Variants in GPHN observed in about 807,000 individuals in gnomAD.
GPHN encodes the protein gephyrin.
Under a neutral mutation model 95.5 loss-of-function variants are expected in GPHN, and 17 were observed. That is an observed-to-expected ratio of 0.18 (90% CI 0.12 to 0.27). GPHN has a LOEUF of 0.27. Ranked by LOEUF, GPHN falls within the 10% of genes least tolerant of loss-of-function variation. GPHN has a pLI of 1.00. For synonymous variants in GPHN, 320 were observed against 322.5 expected, an observed-to-expected ratio of 0.99 and a Z score of 0.08; for missense variants, 660 against 978.1, an observed-to-expected ratio of 0.67 and a Z score of 4.34.
At chr14:67,706,077 CAGCATCA>C in the GPHN span, 1 of 152,036 alleles carries the variant, frequency 6.6e-6, no homozygotes, top group Non-Finnish European at 1.5e-5. Context: ...ACATTAAGTT[CAGCATCA>C]ATATAGTGAC....
At chr14:67,470,217 C>T in the GPHN span, 2 of 152,234 alleles carry the variant, frequency 1.3e-5, no homozygotes, top group African/African-American at 4.8e-5. Context: ...CTCCAGGAGC[C>T]CCTGAGAAAG....
chr14:66,842,596 A>G, intron 4 of GPHN: 2 of 924,300 alleles, frequency 2.2e-6, no homozygotes, highest in Non-Finnish European at 3.4e-6. Context: ...TCCCTGAACC[A>G]GTTTGTACAG....
chr14:67,156,596 G>A (rs1301734505), intron 18 of GPHN, among the ~76,000 whole-genome samples: 1 of 152,108 alleles, frequency 6.6e-6, no homozygotes, highest in African/African-American at 2.4e-5. Context: ...TGAATCCTAA[G>A]GGAGGTATAG....
At chr14:66,747,652 A>G (rs1484601955) in intron 2 of GPHN, among the ~76,000 whole-genome samples, 1 of 151,830 alleles carries the variant, frequency 6.6e-6, no homozygotes, top group African/African-American at 2.4e-5. Context: ...AATGTTAAAA[A>G]TTGTTTTATT....
the GPHN span, among the ~76,000 whole-genome samples, chr14:67,643,820 T>C: frequency 1.4e-3 from 185 of 129,708 alleles, no homozygotes; most frequent in Non-Finnish European, 2.4e-3. Flanking sequence ...CTTTGTTACA[T>C]CTGGAGAAGC....
In GPHN at chr14:66,924,276, A is replaced by G; in HGVS notation, c.812A>G (p.His271Arg). Residue 271 changes from histidine to arginine, a missense_variant, in exon 8 of 23, where the codon CAT (histidine) becomes CGT (arginine). By Grantham distance (29) the His-to-Arg change is conservative (BLOSUM62 0). Around this residue, in one of 6 missense-constraint regions of GPHN, gnomAD observed 190 missense variants for 224.7 expected, o/e 0.85. Coordinates refer to ENST00000478722, the MANE Select transcript of GPHN (RefSeq NM_020806.5). ...PIPGLINYSH[H>R]STDERIPDSI... ...CCTGGTCTCATCAATTATTCCCATC[A>G]TTCAACAGATGAACGGGTAAGACAA... 1 of 1,598,140 alleles carries G rather than the reference A, an allele frequency of 6.3e-7. No homozygotes were observed. Among genetic ancestry groups the G allele is most frequent in the South Asian group, 1.1e-5 (1 of 90,782 alleles).
At chr14:66,612,506 C>T (rs968678864) in intron 1 of GPHN, among the ~76,000 whole-genome samples, 3 of 152,010 alleles carry the variant, frequency 2.0e-5, no homozygotes, top group Admixed American at 6.6e-5. Context: ...AACAAGTTAT[C>T]GTTATGACAT....
intron 5 of GPHN, among the ~76,000 whole-genome samples, chr14:66,887,677 T>C (rs1409718074): frequency 1.3e-5 from 2 of 152,208 alleles, no homozygotes; most frequent in African/African-American, 4.8e-5. Context: ...CAGTTCCTTT[T>C]ACCTGGTATA....
At chr14:67,200,231 C>A in the GPHN span, 1 of 994,384 alleles carries the variant, frequency 1.0e-6, no homozygotes, top group Non-Finnish European at 1.5e-6. Context: ...CTCCACAACC[C>A]ACACCCTATG....
the GPHN span, among the ~76,000 whole-genome samples, chr14:67,427,627 C>T: frequency 6.6e-6 from 1 of 152,188 alleles, no homozygotes; most frequent in Non-Finnish European, 1.5e-5. Context: ...AGTTCTTATT[C>T]CCAGGGCTCT....
At chr14:67,644,949 G>A in the GPHN span, among the ~76,000 whole-genome samples, 1 of 150,120 alleles carries the variant, frequency 6.7e-6, no homozygotes, top group Non-Finnish European at 1.5e-5. Flanking sequence ...AGTGAGCTGA[G>A]ATTGCGCCAC....
intron 1 of GPHN, among the ~76,000 whole-genome samples, chr14:66,670,177 C>A (rs999820384): frequency 6.6e-6 from 1 of 152,088 alleles, no homozygotes; most frequent in Admixed American, 6.6e-5. Context: ...GTAGGTAAGG[C>A]GGAAGGTTTT....
At chr14:67,699,608 A>G in the GPHN span, among the ~76,000 whole-genome samples, 646 of 150,050 alleles carry the variant, frequency 4.3e-3, 5 homozygotes, top group African/African-American at 0.01. Flanking sequence ...AAAAAAAAAA[A>G]AAAAGAAACA....
chr14:67,450,149 G>A, the GPHN span: 1 of 151,696 alleles, frequency 6.6e-6, no homozygotes, highest in African/African-American at 2.4e-5. Context: ...TGTAAGATGT[G>A]ACTTGCTTCT....
At chr14:67,181,896 T>G (rs1203532024), downstream of GPHN, 1 of 165,804 alleles carries the variant, frequency 6.0e-6, no homozygotes, top group Non-Finnish European at 1.3e-5. Context: ...TAAGATGGCC[T>G]ACCAAGAATA....
the GPHN span, among the ~76,000 whole-genome samples, chr14:67,455,360 T>A: frequency 6.6e-6 from 1 of 152,114 alleles, no homozygotes; most frequent in East Asian, 1.9e-4. Context: ...GTATTCTTCC[T>A]TCCCCACTGT....
chr14:67,613,597 G>C, the GPHN span: 6 of 220,176 alleles, frequency 2.7e-5, no homozygotes, highest in South Asian at 4.1e-4. Flanking sequence ...ACCTGAGGCA[G>C]CCCACCTACT....
At chr14:67,389,766 GT>G in the GPHN span, among the ~76,000 whole-genome samples, 4 of 144,564 alleles carry the variant, frequency 2.8e-5, no homozygotes, top group Admixed American at 6.8e-5. Context: ...AAACTAAAGT[GT>G]TTTTTTTCTT....
chr14:66,638,749 G>T (rs2064238869), intron 1 of GPHN, among the ~76,000 whole-genome samples: 1 of 151,046 alleles, frequency 6.6e-6, no homozygotes, highest in Non-Finnish European at 1.5e-5. Context: ...TTTCCATAAT[G>T]AAAAAGTTAT....
Sources: allele counts gnomAD v4.1 joint callset (sites outside exome capture counted in the v4.1 genomes callset), GRCh38; gene constraint gnomAD v4.1.1; regional missense constraint gnomAD v4.1.1; transcripts MANE v1.5; gene names NCBI Gene and HGNC (gene_info 2026-07-23, HGNC 2026-07-21).